The following HIPK1 variants were observed in gnomAD, a reference collection of about 807,000 sequenced individuals.
HIPK1 encodes homeodomain-interacting protein kinase 1.
In HIPK1, 28 loss-of-function variants were observed where a neutral mutation model predicts 117.1. The observed-to-expected ratio is 0.24, with a 90% confidence interval of 0.18 to 0.33. HIPK1 has a LOEUF of 0.33. Among genes scored for constraint, HIPK1 ranks in the 10% least tolerant of loss-of-function variants. The pLI is 1.00. For synonymous variants in HIPK1, 605 were observed against 562.5 expected (o/e 1.08, Z -1.07); for missense variants, 1,122 against 1,475.1 (o/e 0.76, Z 3.92).
At chr1:113,952,974 C>CTCT in intron 3 of HIPK1, 85 bp downstream of exon 3, 1 of 1,228,610 alleles carries the variant, frequency 8.1e-7, no homozygotes, top group Non-Finnish European at 1.1e-6. Context: ...CTAAGTACTA[C>CTCT]TGAAGTATTT....
rs1421727333 is a variant in HIPK1, at chr1:113,973,747, C to A, written c.*235C>A. Reference sequence around the variant, plus strand: ...ATTTTTAAATTCATTATTTTTGTGACAGTAATTTTGGTACTTGGAAGAGTT... The same window carrying A: ...ATTTTTAAATTCATTATTTTTGTGAAAGTAATTTTGGTACTTGGAAGAGTT... On this transcript the variant is annotated 3_prime_UTR_variant, in exon 16 of 16. Transcript: ENST00000426820. 1 of 395,498 alleles carries A rather than the reference C, an allele frequency of 2.5e-6. No homozygotes were observed. Among genetic ancestry groups the A allele is most frequent in the African/African-American group, 2.1e-5 (1 of 48,464 alleles). 24.5% of individuals were successfully genotyped at this position (395,498 alleles called of 1,614,324 possible).
rs377149534 is a variant in HIPK1, at chr1:113,973,425, A to G, written c.3546A>G (p.Gln1182=). ...PAQYQHQFAT[Q]SYIGSSRGST... ...AGTACCAACACCAGTTTGCCACCCA[A>G]TCCTACATTGGGTCTTCCCGAGGCT... The change falls in exon 16 of 16, where the codon CAA becomes CAG. Residue 1182 remains glutamine, a synonymous_variant. Transcript: ENST00000426820. 7.2e-5 allele frequency: 116 copies of G among 1,613,916 alleles called. No homozygotes were observed. Among genetic ancestry groups the G allele is most frequent in the Middle Eastern group, 3.3e-4 (2 of 6,082 alleles).
chr1:113,947,076 C>T (rs1315628866), intron 2 of HIPK1, among the ~76,000 whole-genome samples: 1 of 152,166 alleles, frequency 6.6e-6, no homozygotes, highest in Non-Finnish European at 1.5e-5. Flanking sequence ...TTCTCTTACC[C>T]ACCTTTTTAG....
At chr1:113,960,508 C>T (rs964964524) in intron 8 of HIPK1, among the ~76,000 whole-genome samples, 12 of 152,248 alleles carry the variant, frequency 7.9e-5, no homozygotes, top group East Asian at 3.9e-4. Context: ...TGTCACCTTT[C>T]GCTTTATCAC....
chr1:113,972,903 A>C, intron 15 of HIPK1, 121 bp from the exon 16 acceptor site: 1 of 1,002,442 alleles, frequency 1.0e-6, no homozygotes, highest in Non-Finnish European at 1.4e-6. Context: ...CCAGTGTGGG[A>C]GATTATGTGC....
At chr1:113,949,747 C>T (rs749335889) in intron 2 of HIPK1, among the ~76,000 whole-genome samples, 9 of 151,730 alleles carry the variant, frequency 5.9e-5, no homozygotes, top group Non-Finnish European at 7.4e-5. Flanking sequence ...TACAGGTGCC[C>T]GCCACCACAC....
In HIPK1 at chr1:113,941,169, T is replaced by C; in HGVS notation, c.786T>C (p.Asn262=). The change falls in exon 2 of 16, where the codon AAT becomes AAC. Residue 262 remains asparagine (N), a synonymous_variant. Transcript: ENST00000426820. This position sits in a 1 kb window ranked among gnomAD's most constrained non-coding sequence, Gnocchi z 4.9. The part of the protein sequence containing the change: ...VRSYECFQHK[N]HTCLVFEMLE... ...CATACGAGTGCTTTCAGCATAAGAA[T>C]CACACCTGCCTTGTTTTTGAAATGT... The C allele has an allele frequency of 6.2e-7, 1 of 1,614,248 alleles. No individual in the cohort carries two copies. The highest frequency in any genetic ancestry group is 8.5e-7 in the Non-Finnish European group (1 of 1,180,032).
intron 1 of HIPK1, among the ~76,000 whole-genome samples, chr1:113,938,777 G>A (rs969220178): frequency 6.6e-5 from 10 of 151,754 alleles, no homozygotes; most frequent in Admixed American, 3.9e-4. Context: ...GGGTGTGGTC[G>A]TGCACGCCTC....
At chr1:113,929,904 GC>G in intron 1 of HIPK1, 7 of 986,438 alleles carry the variant, frequency 7.1e-6, no homozygotes, top group Non-Finnish European at 7.2e-6. Flanking sequence ...CCTCACGGCA[GC>G]CCCAGCTCGC....
intron 8 of HIPK1, among the ~76,000 whole-genome samples, chr1:113,961,999 A>ATTTT (rs758920245): frequency 8.0e-5 from 12 of 150,124 alleles, no homozygotes; most frequent in Non-Finnish European, 1.6e-4. Flanking sequence ...CTAAGTGAAG[A>ATTTT]TTTTTTTGTT....
chr1:113,955,666 T>G lies in HIPK1; in HGVS notation c.1407+17T>G, dbSNP rs1377174253. ...ATGGCTCAGGTGAGTACGGAAAGTT[T>G]CAGAAAGTCAGACATTTATTTTTAA... On this transcript the variant is annotated intron_variant, in intron 5 of 15. Transcript: ENST00000426820. 1 of 1,341,010 alleles carries G rather than the reference T, an allele frequency of 7.5e-7. No homozygotes were observed. The highest frequency in any genetic ancestry group is 1.8e-5 in the Admixed American group (1 of 54,192). The allele number at this position is 1,341,010 out of a possible 1,614,324, so 83.1% of individuals were successfully genotyped here. A position where few individuals can be genotyped will look rare whatever the true frequency, so the allele number is the denominator to read the frequency against.
At chr1:113,957,960 AT>A in intron 7 of HIPK1, 105 bp from the exon 8 acceptor site, 2 of 853,074 alleles carry the variant, frequency 2.3e-6, no homozygotes, top group South Asian at 1.7e-5. Context: ...TTAACATTAC[AT>A]TTTAAAACAT....
In HIPK1 at chr1:113,970,270, C is replaced by T; in HGVS notation, c.3013+73C>T. ...AATGCTTAAATATTTTGCCATAATC[C>T]ACTTATATCAGTGGTAGAGACCAGT... On this transcript the variant is annotated intron_variant, in intron 14 of 15. Coordinates refer to ENST00000426820, the MANE Select transcript of HIPK1 (RefSeq NM_198268.3). 5 of 1,532,914 alleles carry T rather than the reference C, an allele frequency of 3.3e-6. No individual in the cohort carries two copies. The Admixed American group carries it at 6.8e-5, about 21-fold the overall frequency. 95.0% of individuals were successfully genotyped at this position (1,532,914 alleles called of 1,614,324 possible).
intron 2 of HIPK1, among the ~76,000 whole-genome samples, chr1:113,949,128 G>A (rs1348076766): frequency 3.3e-5 from 5 of 152,312 alleles, no homozygotes; most frequent in South Asian, 4.1e-4. Flanking sequence ...GTGAGCCACC[G>A]CGCCTGGCCT....
chr1:113,950,651 C>T (rs948601266), intron 2 of HIPK1, among the ~76,000 whole-genome samples: 20 of 151,992 alleles, frequency 1.3e-4, no homozygotes, highest in Admixed American at 1.0e-3. Flanking sequence ...TACAGCTGCC[C>T]GCCACCATGC....
rs536833133 is a variant in HIPK1 at position 113,958,063 on chromosome 1, T to C, written c.1756-3T>C. On this transcript the variant is annotated splice_region_variant and splice_polypyrimidine_tract_variant and intron_variant, in intron 7 of 15. Coordinates refer to ENST00000426820, the MANE Select transcript of HIPK1 (RefSeq NM_198268.3). ...TGTACAAATATAATCCTTTTGTTTT[T>C]AGGCCAGTGTTCTAGCTTCCAGTTC... 3.1e-6 allele frequency: 5 copies of C among 1,608,938 alleles called. No individual in the cohort carries two copies. Among genetic ancestry groups the C allele is most frequent in the African/African-American group, 2.7e-5 (2 of 74,924 alleles).
chr1:113,936,249 T>C (rs1369856135), intron 1 of HIPK1, among the ~76,000 whole-genome samples: 2 of 152,222 alleles, frequency 1.3e-5, no homozygotes, highest in Non-Finnish European at 2.9e-5. Flanking sequence ...TTCTGAGTTG[T>C]CCTTTCCCCT....
chr1:113,957,292 C>T lies in HIPK1; in HGVS notation c.1755+6C>T, dbSNP rs1417305224. On this transcript the variant is annotated splice_donor_region_variant and intron_variant, in intron 7 of 15. Coordinates refer to ENST00000426820, the MANE Select transcript of HIPK1 (RefSeq NM_198268.3). ...TCAATACAGTGCACAATCAGGTATT[C>T]AATAAATAATTTTGGAAACTCAAGC... The T allele has an allele frequency of 8.1e-6, 13 of 1,601,666 alleles. No homozygotes were observed. In the South Asian group the frequency reaches 1.4e-4, roughly 18 times the overall value.
intron 2 of HIPK1, among the ~76,000 whole-genome samples, chr1:113,949,100 A>G (rs1453517232): frequency 2.0e-5 from 3 of 152,218 alleles, no homozygotes; most frequent in Admixed American, 6.5e-5. Flanking sequence ...GGCCACCCAC[A>G]GTGCTAGGAT....
Sources: gnomAD v4.1 joint callset for allele counts (sites outside exome capture counted in the v4.1 genomes callset) on GRCh38, gnomAD v4.1.1 for gene constraint, Gnocchi (gnomAD v3.1) non-coding constraint, MANE v1.5 for transcripts, NCBI Gene and HGNC (gene_info 2026-07-23, HGNC 2026-07-21) for gene names.